The following STXBP4 variants were observed in gnomAD, a reference collection of about 807,000 sequenced individuals.
STXBP4 encodes syntaxin binding protein 4.
Under a neutral mutation model 76.1 loss-of-function variants are expected in STXBP4, and 55 were observed. The observed-to-expected ratio is 0.72, with a 90% CI of 0.58 to 0.91. STXBP4 has a LOEUF of 0.91. STXBP4 is among the 40% of genes least tolerant of loss of function. The pLI is 0.00. For synonymous variants in STXBP4, 201 were observed against 220.2 expected, an observed-to-expected ratio of 0.91 and a Z score of 0.77; for missense variants, 618 against 636.9, an observed-to-expected ratio of 0.97 and a Z score of 0.32.
chr17:55,072,269 G>C (rs1418214802), intron 12 of STXBP4, among the ~76,000 whole-genome samples: 1 of 152,092 alleles, frequency 6.6e-6, no homozygotes, highest in South Asian at 2.1e-4. Context: ...TCTCAATATT[G>C]TTTTAAAGAT....
At chr17:55,136,346 G>A (rs959607001) in intron 16 of STXBP4, among the ~76,000 whole-genome samples, 18 of 152,094 alleles carry the variant, frequency 1.2e-4, no homozygotes, top group Admixed American at 9.2e-4. Flanking sequence ...TAGTATGTTT[G>A]AGCTGGCTTC....
chr17:55,110,055 G>A (rs1451219631), intron 16 of STXBP4, among the ~76,000 whole-genome samples: 1 of 152,198 alleles, frequency 6.6e-6, no homozygotes, highest in Non-Finnish European at 1.5e-5. Flanking sequence ...CTCTTCTGAA[G>A]GCTCTAGGAA....
chr17:55,151,581 A>G (rs1463902706), intron 17 of STXBP4, among the ~76,000 whole-genome samples: 1 of 152,190 alleles, frequency 6.6e-6, no homozygotes, highest in Non-Finnish European at 1.5e-5. Flanking sequence ...TCTGTTGGGT[A>G]TCTGGTGCCT....
chr17:55,015,476 A>G (rs1416656146), intron 8 of STXBP4, among the ~76,000 whole-genome samples: 1 of 152,196 alleles, frequency 6.6e-6, no homozygotes, highest in Non-Finnish European at 1.5e-5. Flanking sequence ...TTTAGCAGTA[A>G]CATTATATCT....
chr17:55,152,149 T>C (rs115358885), intron 17 of STXBP4, among the ~76,000 whole-genome samples: 1,846 of 152,302 alleles, frequency 0.012, 33 homozygotes, highest in African/African-American at 0.041. Context: ...TTGAGTATTT[T>C]TACCCAGTGA....
At chr17:54,978,544 AC>A (rs1423726120) in intron 1 of STXBP4, among the ~76,000 whole-genome samples, 1 of 152,202 alleles carries the variant, frequency 6.6e-6, no homozygotes, top group East Asian at 1.9e-4. Context: ...TTAAATTGCA[AC>A]ATTTGTTGAT....
chr17:55,025,302 C>T (rs958401531), intron 8 of STXBP4, among the ~76,000 whole-genome samples: 1 of 151,920 alleles, frequency 6.6e-6, no homozygotes, highest in Admixed American at 6.6e-5. Context: ...ATGCAAACTA[C>T]CAAGACTAAC....
chr17:55,099,549 G>T (rs892901883), intron 16 of STXBP4, among the ~76,000 whole-genome samples: 1 of 152,088 alleles, frequency 6.6e-6, no homozygotes, highest in Admixed American at 6.5e-5. Context: ...CATGGGAAAG[G>T]TACAGCAAAA....
chr17:55,051,440 T>C (rs1462247260), intron 12 of STXBP4, among the ~76,000 whole-genome samples: 1 of 151,992 alleles, frequency 6.6e-6, no homozygotes, highest in Non-Finnish European at 1.5e-5. Context: ...CTAAACCTTT[T>C]TTTGTTTTGT....
intron 16 of STXBP4, among the ~76,000 whole-genome samples, chr17:55,123,916 T>C (rs2079875898): frequency 6.6e-6 from 1 of 151,460 alleles, no homozygotes; most frequent in Non-Finnish European, 1.5e-5. Context: ...AAAAAGAAGA[T>C]AAAACGAGAA....
chr17:55,140,457 A>G (rs533092379), intron 16 of STXBP4, among the ~76,000 whole-genome samples: 1 of 152,236 alleles, frequency 6.6e-6, no homozygotes, highest in East Asian at 1.9e-4. Context: ...GCCAGTGTCA[A>G]AGAACTCATC....
In STXBP4 at chr17:55,170,729, TA is replaced by T. The variant is rs2080401618; in HGVS notation, c.*10821del. On this transcript the variant is annotated 3_prime_UTR_variant, in exon 18 of 18. Transcript: ENST00000376352. The stretch of plus-strand genomic sequence containing the variant: ...AGGCCTGACCTGCATTGTCAATAAC[TA>T]AATTGATTATTGTGGAAACAACAAA... 6.6e-6 allele frequency: 1 copy of T among 152,256 alleles called. No homozygotes were observed. The highest frequency in any genetic ancestry group is 1.5e-5 in the Non-Finnish European group (1 of 68,038). 9.4% of individuals were successfully genotyped at this position (152,256 alleles called of 1,614,324 possible). A position where few individuals can be genotyped will look rare whatever the true frequency, so the allele number is the denominator to read the frequency against.
At chr17:55,082,011 A>G (rs2079261868) in intron 16 of STXBP4, among the ~76,000 whole-genome samples, 1 of 152,128 alleles carries the variant, frequency 6.6e-6, no homozygotes. Context: ...CGTACTCTTT[A>G]TTTTCCTGCA....
the STXBP4 span, among the ~76,000 whole-genome samples, chr17:55,196,176 A>G: frequency 6.6e-6 from 1 of 152,168 alleles, no homozygotes; most frequent in South Asian, 2.1e-4. Context: ...CTGGTCAGTC[A>G]GGATGACCTG....
chr17:55,164,329 T>TGG lies in STXBP4; in HGVS notation c.*4422_*4423dup, dbSNP rs1242345332. 6.6e-6 allele frequency: 1 copy of TGG among 152,154 alleles called. No homozygotes were observed. Among genetic ancestry groups the TGG allele is most frequent in the East Asian group, 1.9e-4 (1 of 5,204 alleles). The allele number at this position is 152,154 out of a possible 1,614,324, so 9.4% of individuals were successfully genotyped here. A position where few individuals can be genotyped will look rare whatever the true frequency, so the allele number is the denominator to read the frequency against. On this transcript the variant is annotated 3_prime_UTR_variant, in exon 18 of 18. Transcript: ENST00000376352. ...TTTTCAAAAGTTCAATTTTTACTTT[T>TGG]GGGGGTTGGACTGTTCTGAGGGAAA...
chr17:55,190,252 CAGAG>C, the STXBP4 span, among the ~76,000 whole-genome samples: 3 of 152,162 alleles, frequency 2.0e-5, no homozygotes, highest in Non-Finnish European at 4.4e-5. Context: ...TCCCTGCCCT[CAGAG>C]AGCTCACAAG....
chr17:55,014,939 C>T (rs1230886095), intron 8 of STXBP4, among the ~76,000 whole-genome samples: 2 of 152,006 alleles, frequency 1.3e-5, no homozygotes, highest in Middle Eastern at 3.4e-3. Context: ...CCGTTTGTCC[C>T]GTTCTGCCTG....
At chr17:55,088,662 GC>G (rs1290029115) in intron 16 of STXBP4, among the ~76,000 whole-genome samples, 2 of 152,270 alleles carry the variant, frequency 1.3e-5, no homozygotes, top group Non-Finnish European at 2.9e-5. Flanking sequence ...CTCCCAAAGT[GC>G]TGGGATTACA....
At chr17:54,988,174 T>C (rs2077654460) in intron 3 of STXBP4, among the ~76,000 whole-genome samples, 1 of 152,192 alleles carries the variant, frequency 6.6e-6, no homozygotes, top group Admixed American at 6.5e-5. Context: ...AGTAGTATGA[T>C]AGCAATTCAG....
Sources: allele counts gnomAD v4.1 joint callset (sites outside exome capture counted in the v4.1 genomes callset), GRCh38; gene constraint gnomAD v4.1.1; transcripts MANE v1.5; gene names NCBI Gene and HGNC (gene_info 2026-07-23, HGNC 2026-07-21).